Variants in ANO1 observed in about 807,000 individuals in gnomAD.
ANO1 encodes anoctamin-1.
ANO1 carries 59 observed loss-of-function variants against 124.0 expected under a neutral mutation model. The ratio of observed to expected loss-of-function variants is 0.48; its 90% CI spans 0.39 to 0.59. ANO1 has a LOEUF of 0.59. Among genes scored for constraint, ANO1 ranks in the 20% least tolerant of loss-of-function variants. The pLI is 0.00. For missense variants in ANO1, 1,059 were observed against 1,328.0 expected, an observed-to-expected ratio of 0.80 and a Z score of 3.15; for synonymous variants, 529 against 532.0, an observed-to-expected ratio of 0.99 and a Z score of 0.08.
At chr11:70,107,516 G>C (rs949655882) in intron 5 of ANO1, among the ~76,000 whole-genome samples, 2 of 136,542 alleles carry the variant, frequency 1.5e-5, no homozygotes, top group African/African-American at 5.5e-5. Flanking sequence ...CGGTCAGATG[G>C]CCTGGGCCAG....
chr11:70,075,037 C>A (rs894389200), upstream of ANO1: 1 of 152,232 alleles, frequency 6.6e-6, no homozygotes, highest in African/African-American at 2.4e-5. Flanking sequence ...CAAGGCCATG[C>A]GGTTGGTTAA....
At chr11:70,073,039 C>T (rs1482942618) in intron 1 of ANO1, 1 of 152,240 alleles carries the variant, frequency 6.6e-6, no homozygotes, top group Non-Finnish European at 1.5e-5. Flanking sequence ...AAGCCGCCCG[C>T]CTCTGCGAGA....
At chr11:69,985,549 C>T (rs534426202), upstream of ANO1, among the ~76,000 whole-genome samples, 3 of 152,332 alleles carry the variant, frequency 2.0e-5, no homozygotes, top group East Asian at 5.8e-4. Flanking sequence ...CCGCCCCGCG[C>T]CCAGGGCTGC....
chr11:70,188,056 C>A lies in ANO1; in HGVS notation c.*52C>A. The A allele has an allele frequency of 1.3e-6, 2 of 1,522,678 alleles. No individual in the cohort carries two copies. Among genetic ancestry groups the A allele is most frequent in the Admixed American group, 2.0e-5 (1 of 49,864 alleles). 94.3% of individuals were successfully genotyped at this position (1,522,678 alleles called of 1,614,324 possible). A position where few individuals can be genotyped will look rare whatever the true frequency, so the allele number is the denominator to read the frequency against. On this transcript the variant is annotated 3_prime_UTR_variant, in exon 26 of 26. Transcript: ENST00000355303. ...GCCGGGCATCCTGACCGATGGGCAC[C>A]CTCTCCCAGGGCAGGCGGCTTCCCG...
upstream of ANO1, among the ~76,000 whole-genome samples, chr11:69,984,659 T>C (rs1428107526): frequency 3.3e-5 from 5 of 152,128 alleles, no homozygotes; most frequent in Non-Finnish European, 5.9e-5. Context: ...TCCATCCAGA[T>C]GCCTTCCGCG....
rs1386066721 is a variant in ANO1 at position 70,094,182 on chromosome 11, G to A, written c.441+6098G>A. 2.0e-5 allele frequency among the ~76,000 whole-genome samples: 3 copies of A among 152,224 alleles called. No individual in the cohort carries two copies. The East Asian group carries it at 5.8e-4, about 29-fold the overall frequency. On this transcript the variant is annotated intron_variant, in intron 2 of 25. Transcript: ENST00000355303. The stretch of plus-strand genomic sequence containing the variant: ...GCCTGACCCTGCTCCTGCCAGAGGG[G>A]AACCGCAAGTCCCCCTTGGAAGAGA...
At chr11:70,112,652 G>A (rs891489358) in intron 7 of ANO1, among the ~76,000 whole-genome samples, 10 of 151,690 alleles carry the variant, frequency 6.6e-5, no homozygotes. Flanking sequence ...CCACCTCTTG[G>A]GTTCAAGCAA....
intron 2 of ANO1, among the ~76,000 whole-genome samples, chr11:70,095,568 T>C (rs560698678): frequency 6.6e-6 from 1 of 152,380 alleles, no homozygotes; most frequent in South Asian, 2.1e-4. Flanking sequence ...TTTGCCATTC[T>C]GGCTATAGTT....
intron 1 of ANO1, among the ~76,000 whole-genome samples, chr11:70,024,614 G>A (rs2135008179): frequency 6.6e-6 from 1 of 152,278 alleles, no homozygotes; most frequent in South Asian, 2.1e-4. Context: ...GGAGTTTGTG[G>A]CCCTCTCCCC....
intron 1 of ANO1, among the ~76,000 whole-genome samples, chr11:70,021,342 A>T (rs1342123721): frequency 2.6e-5 from 4 of 152,214 alleles, no homozygotes; most frequent in Admixed American, 2.6e-4. Context: ...GGCCTCGTGC[A>T]TGCGAGGGAG....
At chr11:70,160,327 C>T (rs1208997789) in intron 16 of ANO1, among the ~76,000 whole-genome samples, 2 of 151,996 alleles carry the variant, frequency 1.3e-5, no homozygotes, top group Non-Finnish European at 2.9e-5. Flanking sequence ...AATGAGGGCT[C>T]AGAATGGGGC....
At chr11:70,012,260 A>C (rs4980728) in intron 1 of ANO1, among the ~76,000 whole-genome samples, 74,579 of 150,972 alleles carry the variant, frequency 0.49, 19,495 homozygotes, top group East Asian at 0.88. Context: ...CCATTTGTCC[A>C]TCTATTCATC....
rs150268963 is a variant in ANO1 at position 70,145,082 on chromosome 11, G to T, written c.1259-4628G>T. 2.6e-5 allele frequency among the ~76,000 whole-genome samples: 4 copies of T among 152,348 alleles called. No homozygotes were observed. In the East Asian group the frequency reaches 7.7e-4, roughly 29 times the overall value. ...AGGGCAGGAATCGGAACTCGTGTGG[G>T]TGAGGAGGGAGGGCTCAGGAGCAGG... On this transcript the variant is annotated intron_variant, in intron 11 of 25. Coordinates refer to ENST00000355303, the MANE Select transcript of ANO1 (RefSeq NM_018043.7).
intron 1 of ANO1, among the ~76,000 whole-genome samples, chr11:70,084,698 G>GT (rs1302180130): frequency 1.2e-4 from 18 of 152,302 alleles, no homozygotes; most frequent in African/African-American, 3.8e-4. Flanking sequence ...AGACATACCT[G>GT]TGGCCTGGTG....
chr11:70,061,302 A>G (rs528590906), intron 1 of ANO1, among the ~76,000 whole-genome samples: 1 of 152,238 alleles, frequency 6.6e-6, no homozygotes, highest in East Asian at 1.9e-4. Flanking sequence ...ATAAGGTGGG[A>G]GGCAGATGGG....
intron 1 of ANO1, among the ~76,000 whole-genome samples, chr11:70,073,168 T>G (rs1391803785): frequency 6.6e-6 from 1 of 152,164 alleles, no homozygotes; most frequent in East Asian, 1.9e-4. Context: ...AGCTAGGTGC[T>G]CTGTTTGGCA....
chr11:70,184,707 A>T (rs2049044188), intron 24 of ANO1, among the ~76,000 whole-genome samples: 1 of 152,178 alleles, frequency 6.6e-6, no homozygotes, highest in African/African-American at 2.4e-5. Context: ...TTACTTTGAT[A>T]AAATGTTCAG....
chr11:70,126,015 T>C, intron 9 of ANO1, 46 bp from the exon 10 acceptor site: 1 of 1,556,932 alleles, frequency 6.4e-7, no homozygotes, highest in East Asian at 2.3e-5. Flanking sequence ...TCCCTGCTAG[T>C]ATTGAATGAC....
intron 11 of ANO1, among the ~76,000 whole-genome samples, chr11:70,133,070 T>C (rs2046825360): frequency 6.6e-6 from 1 of 152,214 alleles, no homozygotes; most frequent in Non-Finnish European, 1.5e-5. Context: ...TCCCACCTCG[T>C]ACCCCTGCTT....
Sources: gnomAD v4.1 joint callset for allele counts (sites outside exome capture counted in the v4.1 genomes callset) on GRCh38, gnomAD v4.1.1 for gene constraint, MANE v1.5 for transcripts, NCBI Gene and HGNC (gene_info 2026-07-23, HGNC 2026-07-21) for gene names.